Variants in RUNX1 observed in about 807,000 individuals in gnomAD.
RUNX1 encodes the protein runt-related transcription factor 1.
Under a neutral mutation model 42.8 loss-of-function variants are expected in RUNX1, and 19 were observed. That is an observed-to-expected ratio of 0.44 (90% CI 0.31 to 0.65). The LOEUF (loss-of-function observed/expected upper bound fraction) is 0.65. RUNX1 is among the 30% of genes least tolerant of loss of function. The pLI is 0.07. For synonymous variants in RUNX1, 271 were observed against 289.4 expected, an observed-to-expected ratio of 0.94 and a Z score of 0.64; for missense variants, 528 against 672.0, an observed-to-expected ratio of 0.79 and a Z score of 2.37.
chr21:34,836,210 G>A (rs1288190127), intron 6 of RUNX1, among the ~76,000 whole-genome samples: 2 of 152,218 alleles, frequency 1.3e-5, no homozygotes, highest in Admixed American at 1.3e-4. Flanking sequence ...CCCACAACAG[G>A]AGACTTGAAC....
chr21:34,865,059 T>A (rs2057637140), intron 5 of RUNX1, among the ~76,000 whole-genome samples: 1 of 152,070 alleles, frequency 6.6e-6, no homozygotes, highest in South Asian at 2.1e-4. Context: ...TAAAAGGGGG[T>A]TAATAACAGT....
At chr21:34,898,668 G>A (rs1006656659) in intron 2 of RUNX1, among the ~76,000 whole-genome samples, 24 of 152,082 alleles carry the variant, frequency 1.6e-4, no homozygotes, top group African/African-American at 4.8e-4. Flanking sequence ...CCACACAAAC[G>A]CACCAGTGGA....
chr21:34,888,503 A>C, intron 3 of RUNX1: 1 of 1,065,914 alleles, frequency 9.4e-7, no homozygotes, highest in Non-Finnish European at 1.1e-6. Flanking sequence ...AAAGGGGAAA[A>C]ACAAAAAAAA....
intron 7 of RUNX1, among the ~76,000 whole-genome samples, chr21:34,810,981 C>T (rs1420507420): frequency 6.6e-6 from 1 of 152,208 alleles, no homozygotes; most frequent in Non-Finnish European, 1.5e-5. Flanking sequence ...AGCCCTTCCT[C>T]CTGCAGAGCA....
rs1170573564 is a variant in RUNX1 at position 34,857,474 on chromosome 21, C to T, written c.613+2000G>A. Among the ~76,000 whole-genome samples the T allele has an allele frequency of 2.6e-5, 4 of 152,166 alleles. No homozygotes were observed. The East Asian group carries it at 7.7e-4, about 29-fold the overall frequency. ...ATGCTGGCAGTGAGGCAAAACCCAG[C>T]CTTCTTTATGCATGAGGAAATAAGA... On this transcript the variant is annotated intron_variant, in intron 6 of 8. Transcript: ENST00000675419.
chr21:34,884,668 C>T (rs1007767689), intron 4 of RUNX1, among the ~76,000 whole-genome samples: 1 of 152,182 alleles, frequency 6.6e-6, no homozygotes, highest in Admixed American at 6.5e-5. Context: ...TTTACTGTCT[C>T]ACTGAACATT....
intron 2 of RUNX1, among the ~76,000 whole-genome samples, chr21:34,961,038 A>G (rs143820794): frequency 2.0e-5 from 3 of 152,236 alleles, no homozygotes; most frequent in Admixed American, 6.5e-5. Flanking sequence ...AAAGCTCCTC[A>G]TTAGTGACAA....
At chr21:34,979,550 C>T (rs1339796871) in intron 2 of RUNX1, among the ~76,000 whole-genome samples, 1 of 152,176 alleles carries the variant, frequency 6.6e-6, no homozygotes, top group Admixed American at 6.5e-5. Context: ...ATAAAAACCA[C>T]CAGACTGCTA....
chr21:34,819,072 G>A (rs1034970028), intron 7 of RUNX1, among the ~76,000 whole-genome samples: 4 of 152,116 alleles, frequency 2.6e-5, no homozygotes, highest in Admixed American at 2.6e-4. Flanking sequence ...TCTAACAAGG[G>A]GTCTAGTTTT....
intron 5 of RUNX1, among the ~76,000 whole-genome samples, chr21:34,874,917 T>C (rs888913161): frequency 6.6e-5 from 10 of 152,174 alleles, no homozygotes; most frequent in South Asian, 4.1e-4. Flanking sequence ...CACTTTCTGA[T>C]TGATAGTCTT....
At chr21:35,008,024 C>G (rs535223776) in intron 2 of RUNX1, among the ~76,000 whole-genome samples, 1 of 152,312 alleles carries the variant, frequency 6.6e-6, no homozygotes, top group South Asian at 2.1e-4. Flanking sequence ...CTGGGCCATG[C>G]TATTTTTCAC....
intron 7 of RUNX1, among the ~76,000 whole-genome samples, chr21:34,827,947 A>G (rs764615604): frequency 6.6e-6 from 1 of 152,226 alleles, no homozygotes; most frequent in Non-Finnish European, 1.5e-5. Flanking sequence ...TTGAACAGAA[A>G]TGTGAGGTTG....
intron 4 of RUNX1, among the ~76,000 whole-genome samples, chr21:34,884,871 A>G (rs969294569): frequency 6.6e-6 from 1 of 152,174 alleles, no homozygotes; most frequent in African/African-American, 2.4e-5. Context: ...TTAGTAGCCT[A>G]TAGATTATCA....
At chr21:35,006,418 C>T (rs1314588546) in intron 2 of RUNX1, among the ~76,000 whole-genome samples, 1 of 152,194 alleles carries the variant, frequency 6.6e-6, no homozygotes, top group African/African-American at 2.4e-5. Context: ...CCCTCTCTCT[C>T]TTTCAAGCCT....
chr21:34,887,048 G>C lies in RUNX1; in HGVS notation c.146C>G (p.Pro49Arg). 4 of 1,600,884 alleles carry C rather than the reference G, an allele frequency of 2.5e-6. No homozygotes were observed. Among genetic ancestry groups the C allele is most frequent in the Non-Finnish European group, 3.4e-6 (4 of 1,179,842 alleles). The change falls in exon 4 of 9, where the codon CCA becomes CGA. Residue 49 changes from proline (P) to arginine (R), a missense_variant. Pro to Arg is a moderately radical substitution (Grantham distance 103). Coordinates refer to ENST00000675419, the MANE Select transcript of RUNX1 (RefSeq NM_001754.5). The part of the protein sequence containing the change: ...RFTPPSTALS[P>R]GKMSEALPLG... Reference sequence around the variant, plus strand: ...CGGCAACGCCTCGCTCATCTTGCCTGGGCTCAGCGCGGTGGAAGGCGGCGT... The same window carrying C: ...CGGCAACGCCTCGCTCATCTTGCCTCGGCTCAGCGCGGTGGAAGGCGGCGT...
At chr21:34,991,914 C>T (rs919399069) in intron 2 of RUNX1, among the ~76,000 whole-genome samples, 1 of 152,174 alleles carries the variant, frequency 6.6e-6, no homozygotes, top group African/African-American at 2.4e-5. Flanking sequence ...GAGGCAGAGA[C>T]TGGGCTGATG....
chr21:34,830,149 A>G (rs955970859), intron 7 of RUNX1, among the ~76,000 whole-genome samples: 5 of 152,214 alleles, frequency 3.3e-5, no homozygotes, highest in Non-Finnish European at 7.3e-5. Context: ...CATATGGAAC[A>G]CTCAAAGTGA....
chr21:34,842,719 A>T (rs945504092), intron 6 of RUNX1, among the ~76,000 whole-genome samples: 2 of 152,010 alleles, frequency 1.3e-5, no homozygotes, highest in African/African-American at 2.4e-5. Flanking sequence ...ACACACATAC[A>T]CACATACAGA....
intron 5 of RUNX1, among the ~76,000 whole-genome samples, chr21:34,865,308 G>A (rs1489303353): frequency 6.8e-6 from 1 of 146,386 alleles, no homozygotes; most frequent in Non-Finnish European, 1.5e-5. Context: ...GTGTGTGTGT[G>A]TGTGTGTGTG....
Sources: allele counts gnomAD v4.1 joint callset (sites outside exome capture counted in the v4.1 genomes callset), GRCh38; gene constraint gnomAD v4.1.1; transcripts MANE v1.5; gene names NCBI Gene and HGNC (gene_info 2026-07-23, HGNC 2026-07-21).